The following KIF15 variants were observed in gnomAD, a reference collection of about 807,000 sequenced individuals.
KIF15 encodes the protein kinesin family member 15, also known as kinesin-like protein KIF15.
Under a neutral mutation model 190.6 loss-of-function variants are expected in KIF15, and 140 were observed. The observed-to-expected ratio is 0.73, with a 90% CI of 0.64 to 0.84. KIF15 has a LOEUF of 0.84. Ranked by LOEUF, KIF15 falls within the 40% of genes least tolerant of loss-of-function variation. The pLI is 0.00. For missense variants in KIF15, 1,372 were observed against 1,584.4 expected (o/e 0.87, Z 2.28); for synonymous variants, 528 against 551.3 (o/e 0.96, Z 0.59).
chr3:44,834,557 A>C (rs1333078270), intron 26 of KIF15, among the ~76,000 whole-genome samples: 1 of 152,190 alleles, frequency 6.6e-6, no homozygotes. Flanking sequence ...TTAGGAGAGA[A>C]TTTGTAACAA....
chr3:44,851,277 G>A (rs1320937593), intron 32 of KIF15, among the ~76,000 whole-genome samples: 1 of 152,118 alleles, frequency 6.6e-6, no homozygotes, highest in Non-Finnish European at 1.5e-5. Context: ...AAAGGGGGGT[G>A]GGGGGTGAAG....
chr3:44,798,527 G>A (rs1243899786), intron 10 of KIF15, among the ~76,000 whole-genome samples: 1 of 151,878 alleles, frequency 6.6e-6, no homozygotes, highest in Non-Finnish European at 1.5e-5. Context: ...TAGCCAGGAT[G>A]ATCTCGATCT....
chr3:44,831,429 T>G (rs1323986613), intron 26 of KIF15, among the ~76,000 whole-genome samples: 1 of 152,220 alleles, frequency 6.6e-6, no homozygotes, highest in Non-Finnish European at 1.5e-5. Flanking sequence ...CCGTCATTTT[T>G]GCTGACACCA....
chr3:44,841,408 T>G (rs1214554883), intron 29 of KIF15, among the ~76,000 whole-genome samples, 170 bp downstream of exon 29: 1 of 151,808 alleles, frequency 6.6e-6, no homozygotes. Context: ...TTTTTTTGTT[T>G]TTTTTTTGAG....
At position 44,821,123 on chromosome 3, in the gene KIF15, G is replaced by A. The variant is rs1303428064; in HGVS notation, c.2550-4916G>A. Among the ~76,000 whole-genome samples the A allele has an allele frequency of 4.9e-5, 7 of 142,184 alleles. 1 individual carries two copies. The highest frequency in any genetic ancestry group is 1.7e-4 in the African/African-American group (6 of 35,804). The allele number at this position is 142,184 out of a possible 152,430, so 93.3% of individuals were successfully genotyped here. The stretch of plus-strand genomic sequence containing the variant: ...TCCCGGACCGGGCGGCTGGCCGGGC[G>A]GGGGGCTGACCCCCCCACCTCCCTC... On this transcript the variant is annotated intron_variant, in intron 20 of 34. Coordinates refer to ENST00000326047, the MANE Select transcript of KIF15 (RefSeq NM_020242.3).
chr3:44,854,438 A>C (rs1299800793), downstream of KIF15, among the ~76,000 whole-genome samples: 2 of 152,194 alleles, frequency 1.3e-5, no homozygotes, highest in African/African-American at 4.8e-5. Context: ...GCAGGAAAAA[A>C]TTGTAATGCA....
At chr3:44,791,243 G>T (rs1434946861) in intron 7 of KIF15, among the ~76,000 whole-genome samples, 2 of 151,632 alleles carry the variant, frequency 1.3e-5, no homozygotes, top group African/African-American at 4.8e-5. Flanking sequence ...CTATTACATT[G>T]CCTTTGCATC....
intron 26 of KIF15, among the ~76,000 whole-genome samples, chr3:44,835,586 G>GA (rs1403515652): frequency 6.6e-6 from 1 of 151,868 alleles, no homozygotes; most frequent in East Asian, 1.9e-4. Flanking sequence ...AGGTTCCTTT[G>GA]AAAAAAATAC....
At chr3:44,807,879 T>C (rs925299417) in intron 16 of KIF15, among the ~76,000 whole-genome samples, 1 of 152,192 alleles carries the variant, frequency 6.6e-6, no homozygotes, top group African/African-American at 2.4e-5. Flanking sequence ...GGTTTTTTCC[T>C]ATACAGGTAG....
At chr3:44,822,734 C>T (rs1000978939) in intron 20 of KIF15, among the ~76,000 whole-genome samples, 1 of 152,150 alleles carries the variant, frequency 6.6e-6, no homozygotes, top group African/African-American at 2.4e-5. Flanking sequence ...AACTTCTCTT[C>T]TCGCTTTATT....
At chr3:44,815,097 T>G in intron 20 of KIF15, 21 bp downstream of exon 20, 1 of 1,533,192 alleles carries the variant, frequency 6.5e-7, no homozygotes. Context: ...TCTTTTATGG[T>G]TTCAAGTTGC....
chr3:44,866,354 G>A (rs1210173049), intron 6 of KIF15, among the ~76,000 whole-genome samples: 2 of 152,182 alleles, frequency 1.3e-5, no homozygotes, highest in Non-Finnish European at 2.9e-5. Context: ...TTACAGGCGT[G>A]AGCCACTGCA....
chr3:44,805,763 T>G, intron 15 of KIF15, 82 bp from the exon 16 acceptor site: 9 of 1,233,936 alleles, frequency 7.3e-6, no homozygotes, highest in Non-Finnish European at 9.2e-6. Context: ...TAAAGTTATG[T>G]GAGAGCATAA....
chr3:44,778,660 A>G (rs991204167), intron 4 of KIF15, among the ~76,000 whole-genome samples: 1 of 151,904 alleles, frequency 6.6e-6, no homozygotes, highest in Non-Finnish European at 1.5e-5. Flanking sequence ...CTGTCTATCT[A>G]TATATATATA....
At chr3:44,774,477 A>G in intron 2 of KIF15, 40 bp downstream of exon 2, 1 of 1,521,314 alleles carries the variant, frequency 6.6e-7, no homozygotes, top group Non-Finnish European at 9.1e-7. Context: ...CCAAAGGACT[A>G]GGGATGGAAT....
intron 32 of KIF15, among the ~76,000 whole-genome samples, chr3:44,849,514 C>G (rs1161776488): frequency 2.6e-5 from 4 of 152,012 alleles, no homozygotes; most frequent in Non-Finnish European, 5.9e-5. Flanking sequence ...AAATAAAGCT[C>G]TTGCCATTCT....
chr3:44,768,954 G>A (rs1435468473), intron 1 of KIF15, among the ~76,000 whole-genome samples: 1 of 152,106 alleles, frequency 6.6e-6, no homozygotes, highest in Non-Finnish European at 1.5e-5. Flanking sequence ...AAAATCCCGA[G>A]GCCTTTTACT....
chr3:44,789,639 A>ATT (rs1706575224), intron 7 of KIF15, among the ~76,000 whole-genome samples: 2 of 78,130 alleles, frequency 2.6e-5, no homozygotes, highest in Non-Finnish European at 2.4e-5. Flanking sequence ...TTTTTGTCTA[A>ATT]TTTTATATAT....
Position 44,805,008 on chromosome 3 carries a change from A to T in KIF15, c.1688-19A>T, listed in dbSNP as rs762593633. The T allele has an allele frequency of 7.3e-5, 116 of 1,583,060 alleles. No individual in the cohort carries two copies. Among genetic ancestry groups the T allele is most frequent in the Non-Finnish European group, 9.8e-5 (115 of 1,170,194 alleles). ...CAGAAAAAAAAAAAAAAAGACTGAG[A>T]TTGTTTTCTTATTAACAGATCAGCA... On this transcript the variant is annotated intron_variant, in intron 14 of 34. Coordinates refer to ENST00000326047, the MANE Select transcript of KIF15 (RefSeq NM_020242.3).
Sources: allele counts gnomAD v4.1 joint callset (sites outside exome capture counted in the v4.1 genomes callset), GRCh38; gene constraint gnomAD v4.1.1; transcripts MANE v1.5; gene names NCBI Gene and HGNC (gene_info 2026-07-23, HGNC 2026-07-21).